Variants in GRK4 observed in about 807,000 individuals in gnomAD.
GRK4 encodes the protein G protein-coupled receptor kinase 4, also known as G protein-coupled receptor kinase 2-like.
Under a neutral mutation model 77.9 loss-of-function variants are expected in GRK4, and 73 were observed. The observed-to-expected ratio is 0.94, with a 90% CI of 0.78 to 1.14. The LOEUF (loss-of-function observed/expected upper bound fraction) is 1.14, where lower values mean the gene tolerates loss of function less well. Among genes scored for constraint, GRK4 ranks in the 50% most tolerant of loss-of-function variants. The pLI is 0.00. For synonymous variants in GRK4, 257 were observed against 254.4 expected, an observed-to-expected ratio of 1.01 and a Z score of -0.10; for missense variants, 729 against 700.2, an observed-to-expected ratio of 1.04 and a Z score of -0.46.
intron 8 of GRK4, among the ~76,000 whole-genome samples, chr4:3,018,857 C>T (rs111683622): frequency 0.24 from 36,853 of 151,934 alleles, 4,951 homozygotes; most frequent in Non-Finnish European, 0.29. Flanking sequence ...CCAGCCTGGG[C>T]GACAGAGCAA....
intron 12 of GRK4, among the ~76,000 whole-genome samples, chr4:3,035,127 C>G (rs573201734): frequency 6.6e-6 from 1 of 152,068 alleles, no homozygotes; most frequent in East Asian, 1.9e-4. Flanking sequence ...TGCCCATAGT[C>G]CCAGCTACTC....
intron 12 of GRK4, among the ~76,000 whole-genome samples, chr4:3,030,293 G>A (rs1355277217): frequency 6.6e-6 from 1 of 152,214 alleles, no homozygotes; most frequent in Non-Finnish European, 1.5e-5. Flanking sequence ...CCCAGAATGA[G>A]CCAGTGGCTG....
At chr4:2,998,649 G>C (rs964459340) in intron 4 of GRK4, among the ~76,000 whole-genome samples, 1 of 151,744 alleles carries the variant, frequency 6.6e-6, no homozygotes, top group African/African-American at 2.4e-5. Context: ...AAGAATGAAC[G>C]TAACAACATA....
At chr4:3,017,469 T>C (rs1354706472) in intron 8 of GRK4, among the ~76,000 whole-genome samples, 1 of 152,216 alleles carries the variant, frequency 6.6e-6, no homozygotes, top group East Asian at 1.9e-4. Context: ...GCTGGCGTGA[T>C]AAAAGATTCT....
At chr4:2,964,240 C>T (rs1257517692) in intron 1 of GRK4, 118 bp downstream of exon 1, 3 of 881,438 alleles carry the variant, frequency 3.4e-6, no homozygotes, top group Non-Finnish European at 5.3e-6. Context: ...CTGGAGAGCC[C>T]CGACACCTCC....
At chr4:3,025,270 CA>C (rs1210467737) in intron 10 of GRK4, among the ~76,000 whole-genome samples, 9,580 of 66,754 alleles carry the variant, frequency 0.14, 441 homozygotes, top group African/African-American at 0.29. Flanking sequence ...GACTCTGTCT[CA>C]AAAAAAAAAA....
chr4:2,999,216 A>G (rs1728835227), intron 4 of GRK4, among the ~76,000 whole-genome samples: 1 of 152,188 alleles, frequency 6.6e-6, no homozygotes, highest in Admixed American at 6.6e-5. Context: ...TGCATCATCC[A>G]TGCAGAAGAA....
In GRK4 at chr4:3,013,744, A is replaced by G. The variant is rs749991657; in HGVS notation, c.657A>G (p.Gln219=). Residue 219 remains glutamine (Q), a synonymous_variant, in exon 8 of 16, where the codon CAA becomes CAG. Transcript: ENST00000398052. ...AAATGTATGCCTGCAAAAAGCTACA[A>G]AAAAAAAGAATAAAGAAGAGGAAAG... The part of the protein sequence containing the change: ...TGKMYACKKL[Q]KKRIKKRKGE... The G allele has an allele frequency of 1.9e-6, 3 of 1,613,640 alleles. No individual in the cohort carries two copies. The highest frequency in any genetic ancestry group is 1.7e-5 in the Admixed American group (1 of 59,906).
At chr4:3,021,656 G>A (rs1052621776) in intron 9 of GRK4, among the ~76,000 whole-genome samples, 4 of 152,190 alleles carry the variant, frequency 2.6e-5, no homozygotes, top group African/African-American at 9.7e-5. Flanking sequence ...AAGCCTTGTT[G>A]CCATTGCTTA....
At position 3,001,326 on chromosome 4, in the gene GRK4, T is replaced by TACAC. The variant is rs771757282; in HGVS notation, c.340-2879_340-2876dup. The stretch of plus-strand genomic sequence containing the variant: ...GTATATATGTGTGTGTGAGTACATA[T>TACAC]ACACACACACACACACACACACACA... On this transcript the variant is annotated intron_variant, in intron 4 of 15. Transcript: ENST00000398052. Among the ~76,000 whole-genome samples the TACAC allele has an allele frequency of 1.1e-3, 131 of 115,194 alleles. 4 individuals are homozygous for TACAC. The highest frequency in any genetic ancestry group is 2.5e-3 in the African/African-American group (67 of 26,290). 75.6% of individuals were successfully genotyped at this position (115,194 alleles called of 152,430 possible). A position where few individuals can be genotyped will look rare whatever the true frequency, so the allele number is the denominator to read the frequency against.
chr4:2,969,773 G>A (rs1455269480), intron 1 of GRK4, among the ~76,000 whole-genome samples: 3 of 151,994 alleles, frequency 2.0e-5, no homozygotes, highest in African/African-American at 7.2e-5. Flanking sequence ...TGAACTCTGG[G>A]GCCAAGCAGT....
At chr4:3,038,099 C>T (rs770323552) in intron 14 of GRK4, among the ~76,000 whole-genome samples, 2 of 152,182 alleles carry the variant, frequency 1.3e-5, no homozygotes, top group Non-Finnish European at 2.9e-5. Flanking sequence ...CCCCGAGCCC[C>T]ACTCCCTAAG....
At chr4:3,012,269 T>C (rs544732988) in intron 7 of GRK4, among the ~76,000 whole-genome samples, 61 of 152,300 alleles carry the variant, frequency 4.0e-4, no homozygotes, top group African/African-American at 1.4e-3. Flanking sequence ...CATTTCACGA[T>C]AGGAAAATAG....
At chr4:2,989,950 A>G (rs940765776) in intron 3 of GRK4, among the ~76,000 whole-genome samples, 2 of 152,188 alleles carry the variant, frequency 1.3e-5, no homozygotes, top group Admixed American at 6.6e-5. Flanking sequence ...TCACTTTTGT[A>G]CCAGGGTTAT....
At chr4:3,021,144 C>G (rs559985447) in intron 9 of GRK4, among the ~76,000 whole-genome samples, 1 of 152,188 alleles carries the variant, frequency 6.6e-6, no homozygotes, top group Non-Finnish European at 1.5e-5. Flanking sequence ...ACAGAGCCCT[C>G]CAGCCTTGGG....
chr4:3,027,911 G>A lies in GRK4; in HGVS notation c.971-1G>A. On this transcript the variant is annotated splice_acceptor_variant, in intron 10 of 15. Coordinates refer to ENST00000398052, the MANE Select transcript of GRK4 (RefSeq NM_182982.3). LOFTEE classifies it high-confidence loss of function. ...GTGTAATAACATATTTGAACACACA[G>A]GACACATCCGGATTTCAGACCTCGG... 1.2e-6 allele frequency: 2 copies of A among 1,613,692 alleles called. No homozygotes were observed. The highest frequency in any genetic ancestry group is 1.7e-6 in the Non-Finnish European group (2 of 1,179,666).
chr4:2,983,935 C>T (rs1169744891), intron 1 of GRK4, among the ~76,000 whole-genome samples: 2 of 152,100 alleles, frequency 1.3e-5, no homozygotes, highest in Non-Finnish European at 2.9e-5. Flanking sequence ...GGGAAACTGC[C>T]ACTTTTAAAA....
chr4:2,986,255 G>C (rs1385779090), intron 2 of GRK4, among the ~76,000 whole-genome samples: 1 of 144,708 alleles, frequency 6.9e-6, no homozygotes, highest in Non-Finnish European at 1.5e-5. Flanking sequence ...TTCTTTTCTC[G>C]ATTATGGATG....
chr4:2,994,444 C>T (rs1032159861), intron 4 of GRK4, among the ~76,000 whole-genome samples: 3 of 152,230 alleles, frequency 2.0e-5, no homozygotes, highest in African/African-American at 7.2e-5. Flanking sequence ...CTCCTGGCCT[C>T]AAGTGATCTG....
Sources: allele counts gnomAD v4.1 joint callset (sites outside exome capture counted in the v4.1 genomes callset), GRCh38; gene constraint gnomAD v4.1.1; transcripts MANE v1.5; gene names NCBI Gene and HGNC (gene_info 2026-07-23, HGNC 2026-07-21).